Variants in KATNAL1 observed in about 807,000 individuals in gnomAD.
The protein encoded by KATNAL1 is katanin p60 ATPase-containing subunit A-like 1.
In KATNAL1, 32 loss-of-function variants were observed where a neutral mutation model predicts 55.2. The ratio of observed to expected loss-of-function variants is 0.58; its 90% CI spans 0.44 to 0.78. The LOEUF (loss-of-function observed/expected upper bound fraction) is 0.78. KATNAL1 is among the 30% of genes least tolerant of loss of function. KATNAL1 has a pLI of 0.00. For missense variants in KATNAL1, 466 were observed against 600.9 expected, an observed-to-expected ratio of 0.78 and a Z score of 2.35; for synonymous variants, 193 against 193.6, an observed-to-expected ratio of 1.00 and a Z score of 0.02.
At chr13:30,301,533 C>A (rs1157375196) in intron 1 of KATNAL1, among the ~76,000 whole-genome samples, 3 of 152,118 alleles carry the variant, frequency 2.0e-5, no homozygotes, top group Non-Finnish European at 2.9e-5. Context: ...TATAACACTA[C>A]AAAACAGTAA....
intron 3 of KATNAL1, among the ~76,000 whole-genome samples, chr13:30,275,031 CACAT>C (rs1301797347): frequency 6.6e-6 from 1 of 151,968 alleles, no homozygotes; most frequent in Non-Finnish European, 1.5e-5. Context: ...TACAGAAAGA[CACAT>C]ACTACGTGAT....
intron 3 of KATNAL1, among the ~76,000 whole-genome samples, chr13:30,271,637 T>C (rs1374955777): frequency 6.6e-6 from 1 of 152,006 alleles, no homozygotes; most frequent in Non-Finnish European, 1.5e-5. Context: ...ACCAGGCCCC[T>C]CCACCAACAT....
intron 4 of KATNAL1, among the ~76,000 whole-genome samples, chr13:30,244,819 G>C (rs904397349): frequency 1.3e-5 from 2 of 151,852 alleles, no homozygotes; most frequent in African/African-American, 4.8e-5. Context: ...TAAATTCCTG[G>C]ACACATACAC....
At chr13:30,274,925 A>G (rs569652185) in intron 3 of KATNAL1, among the ~76,000 whole-genome samples, 55 of 150,104 alleles carry the variant, frequency 3.7e-4, no homozygotes, top group East Asian at 9.8e-4. Flanking sequence ...ACACACACAC[A>G]CACACACACA....
chr13:30,300,641 G>A (rs191537450), intron 1 of KATNAL1, among the ~76,000 whole-genome samples: 1 of 152,164 alleles, frequency 6.6e-6, no homozygotes, highest in Non-Finnish European at 1.5e-5. Flanking sequence ...GCATCCTGAA[G>A]TATGTTTCAA....
At chr13:30,300,439 C>T (rs1430470930) in intron 1 of KATNAL1, among the ~76,000 whole-genome samples, 1 of 151,328 alleles carries the variant, frequency 6.6e-6, no homozygotes, top group African/African-American at 2.4e-5. Context: ...CAGTGGTAAG[C>T]AAAACAACAA....
chr13:30,239,752 C>G (rs1877071362), intron 6 of KATNAL1, among the ~76,000 whole-genome samples: 1 of 138,138 alleles, frequency 7.2e-6, no homozygotes. Flanking sequence ...GTTGCGCGAT[C>G]TTGGCTCATT....
At chr13:30,252,460 ATAGT>A (rs1224396139) in intron 4 of KATNAL1, among the ~76,000 whole-genome samples, 6 of 152,246 alleles carry the variant, frequency 3.9e-5, no homozygotes, top group Middle Eastern at 3.2e-3. Context: ...AGTTAAGTAC[ATAGT>A]TAGAGTGCTG....
intron 3 of KATNAL1, among the ~76,000 whole-genome samples, chr13:30,276,478 T>A (rs1343693453): frequency 2.0e-5 from 3 of 151,328 alleles, no homozygotes; most frequent in Non-Finnish European, 4.4e-5. Context: ...TCTGAAATGC[T>A]TTGTATAAAA....
chr13:30,213,724 C>T (rs1366082222), intron 9 of KATNAL1, among the ~76,000 whole-genome samples: 4 of 152,188 alleles, frequency 2.6e-5, no homozygotes, highest in Non-Finnish European at 5.9e-5. Context: ...AATTCAACAA[C>T]CCTTCATGCT....
At chr13:30,270,006 C>G (rs868504493) in intron 3 of KATNAL1, among the ~76,000 whole-genome samples, 2 of 148,132 alleles carry the variant, frequency 1.4e-5, no homozygotes, top group African/African-American at 5.0e-5. Flanking sequence ...GGCCAGCCGC[C>G]CCGTCCGGGA....
intron 4 of KATNAL1, among the ~76,000 whole-genome samples, chr13:30,241,622 T>C (rs190132032): frequency 2.2e-4 from 33 of 152,308 alleles, no homozygotes; most frequent in Middle Eastern, 3.4e-3. Flanking sequence ...AGTCCAACTA[T>C]GGAAATACTT....
chr13:30,301,857 A>T (rs1253808787), intron 1 of KATNAL1, among the ~76,000 whole-genome samples: 1 of 152,158 alleles, frequency 6.6e-6, no homozygotes, highest in African/African-American at 2.4e-5. Flanking sequence ...ACTGTATTTT[A>T]TGAAGTATGT....
At chr13:30,262,354 G>C (rs918539442) in intron 3 of KATNAL1, among the ~76,000 whole-genome samples, 34 of 152,104 alleles carry the variant, frequency 2.2e-4, no homozygotes, top group Admixed American at 2.1e-3. Flanking sequence ...CAGAAGGCAA[G>C]AAATAACTAA....
chr13:30,249,281 C>T (rs571016674), intron 4 of KATNAL1, among the ~76,000 whole-genome samples: 22 of 151,942 alleles, frequency 1.4e-4, no homozygotes, highest in Non-Finnish European at 2.8e-4. Flanking sequence ...GGATGTGGAG[C>T]AACTGAAACT....
intron 1 of KATNAL1, among the ~76,000 whole-genome samples, chr13:30,299,747 T>A (rs2137570062): frequency 6.6e-6 from 1 of 152,344 alleles, no homozygotes; most frequent in African/African-American, 2.4e-5. Flanking sequence ...CCAGCAAAGT[T>A]GCCCTATACA....
At chr13:30,252,406 A>G (rs11618286) in intron 4 of KATNAL1, among the ~76,000 whole-genome samples, 6,902 of 152,278 alleles carry the variant, frequency 0.045, 190 homozygotes, top group African/African-American at 0.078. Flanking sequence ...CTTAAGCAAG[A>G]TATGTCTAAC....
intron 9 of KATNAL1, among the ~76,000 whole-genome samples, chr13:30,212,922 G>A (rs1873828154): frequency 6.6e-6 from 1 of 152,108 alleles, no homozygotes; most frequent in African/African-American, 2.4e-5. Context: ...TCATATGGGT[G>A]GGCTCTAATC....
rs2106461 is a variant in KATNAL1, at chr13:30,233,228, A to G, written c.727-1756T>C. Among the ~76,000 whole-genome samples the G allele has an allele frequency of 1.9e-3, 288 of 152,326 alleles. 1 individual carries two copies. Among genetic ancestry groups the G allele is most frequent in the African/African-American group, 6.4e-3 (267 of 41,590 alleles). ...TCCATCTGACAAGGGATTAGTAACC[A>G]GAACACATAAGCAGCTCAAGCAACT... On this transcript the variant is annotated intron_variant, in intron 6 of 10. Transcript: ENST00000380615.
Sources: allele counts gnomAD v4.1 joint callset (sites outside exome capture counted in the v4.1 genomes callset), GRCh38; gene constraint gnomAD v4.1.1; transcripts MANE v1.5; gene names NCBI Gene and HGNC (gene_info 2026-07-23, HGNC 2026-07-21).